Variants in KCNN2 observed in about 807,000 individuals in gnomAD.
KCNN2 encodes potassium calcium-activated channel subfamily N member 2.
KCNN2 carries 24 observed loss-of-function variants against 55.5 expected under a neutral mutation model. The ratio of observed to expected loss-of-function variants is 0.43; its 90% confidence interval spans 0.31 to 0.61. KCNN2 has a LOEUF of 0.61. Ranked by LOEUF, KCNN2 falls within the 20% of genes least tolerant of loss-of-function variation. KCNN2 has a pLI of 0.08. For missense variants in KCNN2, 754 were observed against 853.6 expected (o/e 0.88, Z 1.45); for synonymous variants, 431 against 336.1 (o/e 1.28, Z -3.09).
At chr5:114,083,576 A>T (rs1233195265) in intron 1 of KCNN2, among the ~76,000 whole-genome samples, 3 of 152,130 alleles carry the variant, frequency 2.0e-5, no homozygotes, top group African/African-American at 7.2e-5. Flanking sequence ...GAAATTCAGC[A>T]GATAATATGG....
At chr5:114,460,285 G>C (rs1432413366) in intron 3 of KCNN2, among the ~76,000 whole-genome samples, 13 of 152,112 alleles carry the variant, frequency 8.5e-5, no homozygotes. Flanking sequence ...TGTCATCCAG[G>C]CTGGAGTGCA....
chr5:114,188,339 A>T (rs1202775791), intron 1 of KCNN2, among the ~76,000 whole-genome samples: 1 of 152,152 alleles, frequency 6.6e-6, no homozygotes, highest in African/African-American at 2.4e-5. Context: ...ATGGCCACAC[A>T]TTCATTTCTC....
intron 1 of KCNN2, among the ~76,000 whole-genome samples, chr5:114,067,750 T>A (rs1346329334): frequency 6.6e-6 from 1 of 152,212 alleles, no homozygotes; most frequent in Non-Finnish European, 1.5e-5. Context: ...GGGGTCTGTG[T>A]ATACTGTCGA....
In KCNN2 at chr5:114,346,392, C is replaced by T. The variant is rs1426586551; in HGVS notation, c.-184-14553C>T. ...AAGGACAAACAGAACTGGACACAAA[C>T]ATCATTTGCTAGTGAGTAAATTTGT... On this transcript the variant is annotated intron_variant, in intron 2 of 10. Coordinates refer to the KCNN2 transcript ENST00000512097. Among the ~76,000 whole-genome samples, 6 of 152,110 alleles carry T rather than the reference C, an allele frequency of 3.9e-5. No homozygotes were observed. The East Asian group carries it at 1.2e-3, about 29-fold the overall frequency.
chr5:114,192,476 G>A (rs1753470388), intron 1 of KCNN2, among the ~76,000 whole-genome samples: 1 of 152,084 alleles, frequency 6.6e-6, no homozygotes, highest in Non-Finnish European at 1.5e-5. Context: ...GCTTCAGCTG[G>A]CAATGGAAGT....
intron 2 of KCNN2, among the ~76,000 whole-genome samples, chr5:114,255,287 A>C (rs1338558855): frequency 1.3e-5 from 2 of 152,224 alleles, no homozygotes; most frequent in African/African-American, 4.8e-5. Context: ...AGTATATACA[A>C]GATACAGTGG....
At chr5:114,151,907 T>A (rs1752536805) in intron 1 of KCNN2, among the ~76,000 whole-genome samples, 1 of 152,220 alleles carries the variant, frequency 6.6e-6, no homozygotes, top group African/African-American at 2.4e-5. Context: ...CATGCAATGT[T>A]AACACTGTAC....
chr5:114,471,255 A>T (rs1385608129), intron 4 of KCNN2, among the ~76,000 whole-genome samples: 1 of 152,168 alleles, frequency 6.6e-6, no homozygotes, highest in Admixed American at 6.5e-5. Flanking sequence ...CAAGTCCTTT[A>T]TAAAATAGTG....
At chr5:114,424,659 G>A (rs1326969387) in intron 3 of KCNN2, among the ~76,000 whole-genome samples, 2 of 152,326 alleles carry the variant, frequency 1.3e-5, no homozygotes, top group African/African-American at 4.8e-5. Context: ...CAGCTGAGAG[G>A]CTATCATGTA....
At chr5:114,415,961 T>G (rs1008995373) in intron 3 of KCNN2, among the ~76,000 whole-genome samples, 1 of 152,192 alleles carries the variant, frequency 6.6e-6, no homozygotes, top group Non-Finnish European at 1.5e-5. Flanking sequence ...GACTGTGAGC[T>G]CTTTGAAGAG....
intron 2 of KCNN2, among the ~76,000 whole-genome samples, chr5:114,335,439 G>C (rs943805740): frequency 6.6e-6 from 1 of 152,146 alleles, no homozygotes; most frequent in African/African-American, 2.4e-5. Flanking sequence ...TTTCTTGCAT[G>C]ATGACAGCTA....
intron 2 of KCNN2, among the ~76,000 whole-genome samples, chr5:114,325,685 A>C (rs1756701978): frequency 6.6e-6 from 1 of 152,212 alleles, no homozygotes; most frequent in African/African-American, 2.4e-5. Flanking sequence ...TATGACATAC[A>C]CCAACATAGT....
At chr5:114,329,653 G>T (rs947861111) in intron 2 of KCNN2, among the ~76,000 whole-genome samples, 5 of 152,194 alleles carry the variant, frequency 3.3e-5, no homozygotes, top group Admixed American at 6.5e-5. Flanking sequence ...CTTGCAGATG[G>T]CCTATTGTGG....
rs1309590184 is a variant in KCNN2, at chr5:114,449,908, A to ACACACACACACACACGCGCG, written c.1638-13140_1638-13139insACACACACACACACGCGCGC. Among the ~76,000 whole-genome samples the ACACACACACACACACGCGCG allele has an allele frequency of 1.3e-3, 88 of 66,162 alleles. No homozygotes were observed. The East Asian group carries it at 0.019, about 14-fold the overall frequency. 43.4% of individuals were successfully genotyped at this position (66,162 alleles called of 152,430 possible). A position where few individuals can be genotyped will look rare whatever the true frequency, so the allele number is the denominator to read the frequency against. On this transcript the variant is annotated intron_variant, in intron 3 of 7. Coordinates refer to ENST00000673685, the MANE Select transcript of KCNN2 (RefSeq NM_021614.4). Reference sequence around the variant, plus strand: ...CACACACACACACACACACACACACACGCGCGCGCTCGCGTGCGCGCACTC... The same window carrying ACACACACACACACACGCGCG: ...CACACACACACACACACACACACACACACACACACACACACGCGCGCGCGCGCGCTCGCGTGCGCGCACTC...
At chr5:114,182,845 T>G (rs970982948) in intron 1 of KCNN2, among the ~76,000 whole-genome samples, 3 of 152,160 alleles carry the variant, frequency 2.0e-5, no homozygotes, top group African/African-American at 7.2e-5. Context: ...TTCTGTTTGC[T>G]TGCATTTCAT....
intron 2 of KCNN2, among the ~76,000 whole-genome samples, chr5:114,288,240 A>G (rs1397986736): frequency 6.6e-6 from 1 of 152,156 alleles, no homozygotes; most frequent in African/African-American, 2.4e-5. Context: ...TTTGTTTAAC[A>G]TTTGGGTTGT....
chr5:114,486,898 C>T (rs888622992), intron 5 of KCNN2, 152 bp from the exon 6 acceptor site: 4 of 1,150,884 alleles, frequency 3.5e-6, no homozygotes, highest in Non-Finnish European at 5.0e-6. Context: ...TCTAAAAAGG[C>T]ATAGATTAAA....
chr5:114,251,759 A>T (rs1036964256), intron 2 of KCNN2, among the ~76,000 whole-genome samples: 3 of 151,904 alleles, frequency 2.0e-5, no homozygotes, highest in African/African-American at 7.3e-5. Flanking sequence ...GATAGTGTAG[A>T]TTCTTTTAAT....
At chr5:114,357,950 C>G (rs1322750727), upstream of KCNN2, among the ~76,000 whole-genome samples, 1 of 150,524 alleles carries the variant, frequency 6.6e-6, no homozygotes, top group Non-Finnish European at 1.5e-5. Context: ...TCCACATCCT[C>G]TCCAGCACCT....
Sources: allele counts gnomAD v4.1 joint callset (sites outside exome capture counted in the v4.1 genomes callset), GRCh38; gene constraint gnomAD v4.1.1; transcripts MANE v1.5; gene names NCBI Gene and HGNC (gene_info 2026-07-23, HGNC 2026-07-21).